Variants in NLGN1 observed in about 807,000 individuals in gnomAD.
NLGN1 encodes the protein neuroligin 1.
NLGN1 carries 12 observed loss-of-function variants against 65.5 expected under a neutral mutation model. That is an observed-to-expected ratio of 0.18 (90% CI 0.12 to 0.30). NLGN1 has a LOEUF of 0.30. Among genes scored for constraint, NLGN1 ranks in the 10% least tolerant of loss-of-function variants. The pLI is 1.00. For missense variants in NLGN1, 750 were observed against 1,007.1 expected (o/e 0.74, Z 3.46); for synonymous variants, 350 against 359.5 (o/e 0.97, Z 0.30).
intron 2 of NLGN1, among the ~76,000 whole-genome samples, chr3:173,568,957 G>A (rs1479804320): frequency 4.6e-5 from 7 of 152,144 alleles, no homozygotes; most frequent in African/African-American, 1.7e-4. Context: ...GGATATAGGC[G>A]TGAATCACCG....
chr3:174,065,787 T>A (rs965836798), intron 4 of NLGN1, among the ~76,000 whole-genome samples: 1 of 151,896 alleles, frequency 6.6e-6, no homozygotes, highest in Non-Finnish European at 1.5e-5. Context: ...TCACCTGCTG[T>A]GAGGAAGACA....
chr3:173,623,503 A>G (rs1306979681), intron 3 of NLGN1, among the ~76,000 whole-genome samples: 2 of 152,096 alleles, frequency 1.3e-5, no homozygotes, highest in Non-Finnish European at 2.9e-5. Context: ...ACAGGTCACT[A>G]TGGAAGGAGA....
At chr3:173,846,425 C>A (rs979790914) in intron 4 of NLGN1, among the ~76,000 whole-genome samples, 1 of 152,146 alleles carries the variant, frequency 6.6e-6, no homozygotes, top group Non-Finnish European at 1.5e-5. Context: ...TGGAAGTTAA[C>A]AGTAGACATT....
Position 173,722,709 on chromosome 3 carries a change from T to C in NLGN1, c.494-84971T>C, listed in dbSNP as rs567746174. On this transcript the variant is annotated intron_variant, in intron 3 of 6. Transcript: ENST00000457714. Reference sequence around the variant, plus strand: ...TGACAAAATTACTTAATCTCCCTTTTCCTCACATTTTTCATCAATGTTTAA... The same window carrying C: ...TGACAAAATTACTTAATCTCCCTTTCCCTCACATTTTTCATCAATGTTTAA... Among the ~76,000 whole-genome samples the C allele has an allele frequency of 3.3e-5, 5 of 152,252 alleles. No individual in the cohort carries two copies. The East Asian group carries it at 9.7e-4, about 29-fold the overall frequency.
intron 4 of NLGN1, among the ~76,000 whole-genome samples, chr3:173,896,322 C>T (rs1197709177): frequency 6.6e-6 from 1 of 152,138 alleles, no homozygotes; most frequent in Non-Finnish European, 1.5e-5. Context: ...AAATAATTAC[C>T]GTCCAGCTGA....
chr3:174,102,579 G>T (rs1012348622), intron 4 of NLGN1, among the ~76,000 whole-genome samples: 2 of 152,018 alleles, frequency 1.3e-5, no homozygotes, highest in African/African-American at 4.8e-5. Context: ...GAAAAATGAC[G>T]ATAGGAATAA....
At chr3:174,247,487 G>T (rs1744017792) in intron 4 of NLGN1, among the ~76,000 whole-genome samples, 1 of 152,118 alleles carries the variant, frequency 6.6e-6, no homozygotes, top group Non-Finnish European at 1.5e-5. Flanking sequence ...CTTTTAACAG[G>T]TCTTTCTTCT....
At chr3:173,922,905 G>A (rs892424303) in intron 4 of NLGN1, among the ~76,000 whole-genome samples, 6 of 152,054 alleles carry the variant, frequency 3.9e-5, no homozygotes, top group African/African-American at 1.4e-4. Flanking sequence ...CTGAAAATGG[G>A]AAGAGAAATT....
At chr3:174,249,067 A>G (rs1744313955) in intron 4 of NLGN1, among the ~76,000 whole-genome samples, 1 of 152,152 alleles carries the variant, frequency 6.6e-6, no homozygotes, top group Non-Finnish European at 1.5e-5. Context: ...TAGTGCCCAT[A>G]TATTTGTCTC....
intron 3 of NLGN1, among the ~76,000 whole-genome samples, chr3:173,708,608 G>T (rs541490864): frequency 6.6e-6 from 1 of 152,250 alleles, no homozygotes; most frequent in African/African-American, 2.4e-5. Context: ...GAATAGCCTA[G>T]AAAAGGTATT....
intron 4 of NLGN1, among the ~76,000 whole-genome samples, chr3:173,860,392 C>T (rs1471516639): frequency 6.6e-6 from 1 of 151,946 alleles, no homozygotes; most frequent in East Asian, 1.9e-4. Context: ...TCTAATTTTA[C>T]TGATTTTTTT....
At chr3:174,223,451 T>C (rs976338975) in intron 4 of NLGN1, among the ~76,000 whole-genome samples, 1 of 152,200 alleles carries the variant, frequency 6.6e-6, no homozygotes, top group African/African-American at 2.4e-5. Flanking sequence ...CATTCATTTT[T>C]CTACCTCTTT....
chr3:174,157,480 T>A (rs1200668761), intron 4 of NLGN1, among the ~76,000 whole-genome samples: 1 of 151,782 alleles, frequency 6.6e-6, no homozygotes, highest in African/African-American at 2.4e-5. Flanking sequence ...AATTCAGATA[T>A]TCATTTTTTT....
intron 4 of NLGN1, among the ~76,000 whole-genome samples, chr3:173,889,143 C>T (rs75603819): frequency 0.011 from 1,727 of 151,970 alleles, 38 homozygotes; most frequent in African/African-American, 0.037. Context: ...ATTTCTCATC[C>T]GAAGTCATAA....
At chr3:173,509,709 A>G (rs1203554130) in intron 2 of NLGN1, among the ~76,000 whole-genome samples, 2 of 152,242 alleles carry the variant, frequency 1.3e-5, no homozygotes, top group Non-Finnish European at 1.5e-5. Context: ...GTCAGGATAT[A>G]TAACTAAATA....
At chr3:173,536,668 A>C (rs1241525823) in intron 2 of NLGN1, among the ~76,000 whole-genome samples, 1 of 152,350 alleles carries the variant, frequency 6.6e-6, no homozygotes. Flanking sequence ...CTGTATAAAA[A>C]TGTTGAATAA....
In NLGN1 at chr3:173,655,442, G is replaced by A. The variant is rs1203073016; in HGVS notation, c.493+50351G>A. On this transcript the variant is annotated intron_variant, in intron 3 of 6. Transcript: ENST00000457714. ...TTTTGAGAGAGTGTACGTAAAACTG[G>A]TTATAACAAATGAATTTTCTATTCC... Among the ~76,000 whole-genome samples the A allele has an allele frequency of 2.0e-5, 3 of 151,800 alleles. No individual in the cohort carries two copies. The East Asian group carries it at 5.8e-4, about 29-fold the overall frequency.
chr3:174,029,168 G>T (rs990232145), intron 4 of NLGN1, among the ~76,000 whole-genome samples: 1 of 152,176 alleles, frequency 6.6e-6, no homozygotes, highest in Non-Finnish European at 1.5e-5. Context: ...TAGATCCAAT[G>T]ACAGCTTGCA....
At chr3:173,432,742 A>G (rs562664873) in intron 1 of NLGN1, among the ~76,000 whole-genome samples, 3 of 151,750 alleles carry the variant, frequency 2.0e-5, no homozygotes, top group African/African-American at 7.3e-5. Flanking sequence ...CTTATCAACT[A>G]TTTCTTTTGT....
Sources: allele counts gnomAD v4.1 joint callset (sites outside exome capture counted in the v4.1 genomes callset), GRCh38; gene constraint gnomAD v4.1.1; transcripts MANE v1.5; gene names NCBI Gene and HGNC (gene_info 2026-07-23, HGNC 2026-07-21).